RDH10: variants seen among roughly 807,000 people sequenced by gnomAD.
RDH10 encodes the protein retinol dehydrogenase 10.
Under a neutral mutation model 30.2 loss-of-function variants are expected in RDH10, and 12 were observed. The ratio of observed to expected loss-of-function variants is 0.40; its 90% confidence interval spans 0.25 to 0.64. RDH10 has a LOEUF of 0.64. Ranked by LOEUF, RDH10 falls within the 30% of genes least tolerant of loss-of-function variation. RDH10 has a pLI of 0.43. For missense variants in RDH10, 268 were observed against 445.2 expected (o/e 0.60, Z 3.58); for synonymous variants, 189 against 172.2 (o/e 1.10, Z -0.76).
At chr8:73,300,068 G>A (rs1814348467) in intron 2 of RDH10, among the ~76,000 whole-genome samples, 1 of 152,138 alleles carries the variant, frequency 6.6e-6, no homozygotes. Context: ...AGGAGTTCTT[G>A]GAAGCCTTGA....
At chr8:73,316,229 G>T (rs1402450354) in intron 2 of RDH10, among the ~76,000 whole-genome samples, 1 of 151,922 alleles carries the variant, frequency 6.6e-6, no homozygotes, top group Non-Finnish European at 1.5e-5. Context: ...TGTTTCCTAG[G>T]GTGGTCTTGA....
At chr8:73,296,920 T>C (rs1814276015) in intron 1 of RDH10, 5 of 410,738 alleles carry the variant, frequency 1.2e-5, no homozygotes, top group Non-Finnish European at 2.3e-5. Flanking sequence ...AGCAAGCTGA[T>C]CCCATGTGGT....
At position 73,324,616 on chromosome 8, in the gene RDH10, G is replaced by T. The variant is rs1314302476; in HGVS notation, c.*1580G>T. ...GCAGTGTTGTAAGGAAAATTATTGT[G>T]TTTTTTTTTATGATCATTATCCCAC... On this transcript the variant is annotated 3_prime_UTR_variant, in exon 6 of 6. Transcript: ENST00000240285. The T allele has an allele frequency of 6.6e-6, 1 of 150,872 alleles. No homozygotes were observed. Among genetic ancestry groups the T allele is most frequent in the Non-Finnish European group, 1.5e-5 (1 of 67,668 alleles). 9.3% of individuals were successfully genotyped at this position (150,872 alleles called of 1,614,324 possible).
intron 2 of RDH10, among the ~76,000 whole-genome samples, chr8:73,302,600 G>C (rs1008244630): frequency 1.3e-5 from 2 of 152,208 alleles, no homozygotes; most frequent in East Asian, 3.8e-4. Context: ...CAGGAGGCTG[G>C]CTTGAGCCCA....
intron 4 of RDH10, 194 bp from the exon 5 acceptor site, chr8:73,322,485 G>T: frequency 2.0e-6 from 1 of 509,398 alleles, no homozygotes; most frequent in Non-Finnish European, 3.4e-6. Flanking sequence ...TTCCCAACTT[G>T]TTCTCCAGAC....
In RDH10 at chr8:73,323,167, A is replaced by G. The variant is rs1814798450; in HGVS notation, c.*131A>G. On this transcript the variant is annotated 3_prime_UTR_variant, in exon 6 of 6. Transcript: ENST00000240285. ...TTTCTTTTTTAAATCAACTTTTTAA[A>G]AAAATAAAGTGTAAATTAACCGACT... 7 of 763,334 alleles carry G rather than the reference A, an allele frequency of 9.2e-6. No individual in the cohort carries two copies. The highest frequency in any genetic ancestry group is 1.5e-5 in the Non-Finnish European group (7 of 478,932). 47.3% of individuals were successfully genotyped at this position (763,334 alleles called of 1,614,324 possible). A position where few individuals can be genotyped will look rare whatever the true frequency, so the allele number is the denominator to read the frequency against.
chr8:73,312,867 A>T (rs925914895), intron 2 of RDH10: 4 of 152,226 alleles, frequency 2.6e-5, no homozygotes, highest in Non-Finnish European at 5.9e-5. Context: ...CAAATAAGAG[A>T]TAAACATTTC....
chr8:73,303,810 A>G (rs563027804), intron 2 of RDH10, among the ~76,000 whole-genome samples: 1 of 152,172 alleles, frequency 6.6e-6, no homozygotes, highest in Non-Finnish European at 1.5e-5. Flanking sequence ...CTGGGCCCAA[A>G]TCTGTTGCTA....
chr8:73,298,516 CTTTATTTA>C (rs138548865), intron 2 of RDH10, among the ~76,000 whole-genome samples: 3 of 150,960 alleles, frequency 2.0e-5, no homozygotes, highest in South Asian at 4.2e-4. Flanking sequence ...TAAATATGAA[CTTTATTTA>C]TTTATTTATT....
At chr8:73,312,589 A>G (rs1814583085) in intron 2 of RDH10, 2 of 152,270 alleles carry the variant, frequency 1.3e-5, no homozygotes, top group Admixed American at 6.5e-5. Context: ...TGGCAGCTGC[A>G]CAGGCAGAAG....
chr8:73,309,078 TACAC>T (rs2130367451), intron 2 of RDH10, among the ~76,000 whole-genome samples: 1 of 146,824 alleles, frequency 6.8e-6, no homozygotes, highest in Non-Finnish European at 1.5e-5. Context: ...CTTACCCACA[TACAC>T]ACACTTTTTT....
intron 2 of RDH10, among the ~76,000 whole-genome samples, chr8:73,299,671 A>G (rs1380913431): frequency 6.6e-6 from 1 of 152,224 alleles, no homozygotes; most frequent in Non-Finnish European, 1.5e-5. Context: ...CAGGTATTCT[A>G]AAGTTTAGCC....
chr8:73,316,101 C>T (rs748571303), intron 2 of RDH10, among the ~76,000 whole-genome samples: 19 of 152,136 alleles, frequency 1.2e-4, no homozygotes, highest in Non-Finnish European at 1.9e-4. Flanking sequence ...ACTGTAGCCT[C>T]GACCTCCTGG....
In RDH10 at chr8:73,324,365, T is replaced by C. The variant is rs1314054165; in HGVS notation, c.*1329T>C. ...TTGGTATATGTGTATTAGTGAAACA[T>C]TGTAAAGGTGAACTTCTACCTCTGT... On this transcript the variant is annotated 3_prime_UTR_variant, in exon 6 of 6. Transcript: ENST00000240285. 1 of 152,666 alleles carries C rather than the reference T, an allele frequency of 6.6e-6. No homozygotes were observed. The allele number at this position is 152,666 out of a possible 1,614,324, so 9.5% of individuals were successfully genotyped here. A position where few individuals can be genotyped will look rare whatever the true frequency, so the allele number is the denominator to read the frequency against.
At chr8:73,297,931 C>A in intron 2 of RDH10, 1 of 173,470 alleles carries the variant, frequency 5.8e-6, no homozygotes, top group Non-Finnish European at 1.3e-5. Context: ...TCCAGGGCAT[C>A]TTCCTGTTGC....
chr8:73,298,378 C>T (rs893103524), intron 2 of RDH10, among the ~76,000 whole-genome samples: 28 of 152,128 alleles, frequency 1.8e-4, no homozygotes, highest in Non-Finnish European at 1.5e-4. Flanking sequence ...TCACATTAAA[C>T]CTCATTAATT....
chr8:73,318,161 A>T (rs1248438004), intron 2 of RDH10, among the ~76,000 whole-genome samples: 2 of 152,216 alleles, frequency 1.3e-5, no homozygotes, highest in Non-Finnish European at 1.5e-5. Flanking sequence ...GAAGCAGGTT[A>T]TAAAACTGTT....
chr8:73,315,509 T>C lies in RDH10; in HGVS notation c.526-3587T>C, dbSNP rs1045640797. ...GGGGATATTAATCAGTTTCAGAACG[T>C]TGCAACAAATTACACTTAAAGAACA... On this transcript the variant is annotated intron_variant, in intron 2 of 5. Coordinates refer to ENST00000240285, the MANE Select transcript of RDH10 (RefSeq NM_172037.5). The C allele has an allele frequency of 2.3e-5, 10 of 439,644 alleles. No individual in the cohort carries two copies. In the East Asian group the frequency reaches 6.3e-4, roughly 28 times the overall value. The allele number at this position is 439,644 out of a possible 1,614,324, so 27.2% of individuals were successfully genotyped here. A position where few individuals can be genotyped will look rare whatever the true frequency, so the allele number is the denominator to read the frequency against.
chr8:73,318,428 C>T (rs913121200), intron 2 of RDH10, among the ~76,000 whole-genome samples: 5 of 152,202 alleles, frequency 3.3e-5, no homozygotes, highest in Non-Finnish European at 7.3e-5. Context: ...AGAGTCCCTG[C>T]GGTGAAACCC....
Sources: gnomAD v4.1 joint callset for allele counts (sites outside exome capture counted in the v4.1 genomes callset) on GRCh38, gnomAD v4.1.1 for gene constraint, MANE v1.5 for transcripts, NCBI Gene and HGNC (gene_info 2026-07-23, HGNC 2026-07-21) for gene names.